Variants in PAGE1 observed in about 807,000 individuals in gnomAD.
PAGE1 encodes P antigen family member 1.
In PAGE1, 6 loss-of-function variants were observed where a neutral mutation model predicts 11.5. That is an observed-to-expected ratio of 0.52 (90% CI 0.29 to 1.03). PAGE1 has a LOEUF of 1.03. PAGE1 is among the 50% of genes least tolerant of loss of function. The pLI is 0.09. For synonymous variants in PAGE1, 42 were observed against 40.2 expected, an observed-to-expected ratio of 1.05 and a Z score of -0.17; for missense variants, 120 against 110.2, an observed-to-expected ratio of 1.09 and a Z score of -0.40.
At chrX:49,695,203 A>G (rs1354099884) in intron 1 of PAGE1, among the ~76,000 whole-genome samples, 1 of 112,283 alleles carries the variant, frequency 8.9e-6, no homozygotes, top group Non-Finnish European at 1.9e-5. Flanking sequence ...TAGTTTCACA[A>G]GCGGACTCCA....
At chrX:49,694,045 C>A (rs1473116779) in intron 3 of PAGE1, 54 bp downstream of exon 3, 17 of 658,790 alleles carry the variant, frequency 2.6e-5, no homozygotes, top group South Asian at 4.9e-5. Flanking sequence ...CACACACACA[C>A]ACACACACAC....
At chrX:49,689,796 G>GTA (rs782621494) in intron 4 of PAGE1, among the ~76,000 whole-genome samples, 1 of 58,148 alleles carries the variant, frequency 1.7e-5, no homozygotes, top group East Asian at 7.1e-4. Context: ...ACATATATAT[G>GTA]TATATATATG....
chrX:49,690,108 T>TAC (rs781934795), intron 4 of PAGE1, among the ~76,000 whole-genome samples: 1 of 69,573 alleles, frequency 1.4e-5, no homozygotes, highest in Non-Finnish European at 2.5e-5. Context: ...TGTGTATATA[T>TAC]ACACATATAT....
chrX:49,689,708 GTATATATGTATATA>G (rs1834263059), intron 4 of PAGE1, among the ~76,000 whole-genome samples, 165 bp from the exon 5 acceptor site: 1 of 41,942 alleles, frequency 2.4e-5, no homozygotes, highest in Non-Finnish European at 4.3e-5. Context: ...ATATATATGT[GTATATATGTATATA>G]TGTATATATA....
rs782127073 is a variant in PAGE1, at chrX:49,689,348, T to A, written c.418+70A>T. The A allele has an allele frequency of 1.1e-4, 102 of 930,470 alleles. 2 individuals carry two copies. In the South Asian group the frequency reaches 2.3e-3, roughly 21 times the overall value. 76.7% of individuals were successfully genotyped at this position (930,470 alleles called of 1,213,427 possible). ...AGAGCGAGACTCTGTCTCAAAAAAA[T>A]AATAATTATTATAATATGATACTGT... On this transcript the variant is annotated intron_variant, in intron 5 of 5. Coordinates refer to ENST00000376150, the MANE Select transcript of PAGE1 (RefSeq NM_003785.4).
At chrX:49,694,377 C>A (rs1483695354) in intron 2 of PAGE1, among the ~76,000 whole-genome samples, 176 bp from the exon 3 acceptor site, 1 of 111,754 alleles carries the variant, frequency 8.9e-6, no homozygotes, top group Non-Finnish European at 1.9e-5. Flanking sequence ...ACTCTACCCA[C>A]AGAAAGGTTA....
chrX:49,694,109 A>T lies in PAGE1; in HGVS notation c.156T>A (p.Ser52=). The T allele has an allele frequency of 8.4e-7, 1 of 1,185,904 alleles. No homozygotes were observed. Among genetic ancestry groups the T allele is most frequent in the Non-Finnish European group, 1.1e-6 (1 of 876,368 alleles). ...PAEEREDEGA[S]AAQGQEPEAD... is the part of the protein sequence containing the mutation. The stretch of plus-strand genomic sequence containing the variant: ...TCCCTTTCCCTTCACCTTGAGCTGC[A>T]GATGCTCCCTCATCCTCTCTCTCTT... The change falls in exon 3 of 6, where the codon TCT becomes TCA. Residue 52 remains serine (S), a synonymous_variant. Coordinates refer to ENST00000376150, the MANE Select transcript of PAGE1 (RefSeq NM_003785.4).
intron 4 of PAGE1, among the ~76,000 whole-genome samples, chrX:49,689,774 GTATA>G (rs1299338318): frequency 3.2e-4 from 19 of 59,834 alleles, no homozygotes; most frequent in Middle Eastern, 0.022. Flanking sequence ...ATATATGTGT[GTATA>G]TATACACACA....
At chrX:49,690,999 A>G (rs1173884458) in intron 4 of PAGE1, among the ~76,000 whole-genome samples, 2 of 111,654 alleles carry the variant, frequency 1.8e-5, no homozygotes, top group Non-Finnish European at 3.8e-5. Flanking sequence ...GCAACATGAC[A>G]AAACCCCGTC....
chrX:49,690,185 G>T (rs1416282943), intron 4 of PAGE1, among the ~76,000 whole-genome samples: 1 of 97,207 alleles, frequency 1.0e-5, no homozygotes, highest in Admixed American at 1.2e-4. Context: ...CATGAAATAT[G>T]AACAAGAAAA....
chrX:49,689,684 G>GTATA (rs1286749859), intron 4 of PAGE1, 141 bp from the exon 5 acceptor site: 2 of 70,505 alleles, frequency 2.8e-5, no homozygotes, highest in African/African-American at 1.4e-4. Context: ...ATATATGTGT[G>GTATA]TATATATATA....
chrX:49,690,092 T>TATATATGTGTATATATACAC (rs1381536085), intron 4 of PAGE1, among the ~76,000 whole-genome samples: 1 of 47,528 alleles, frequency 2.1e-5, no homozygotes, highest in Admixed American at 2.3e-4. Context: ...TATATATGTG[T>TATATATGTGTATATATACAC]ATATATGTGT....
chrX:49,694,282 A>T, intron 2 of PAGE1, 81 bp from the exon 3 acceptor site: 1 of 498,307 alleles, frequency 2.0e-6, no homozygotes, highest in Admixed American at 3.1e-5. Flanking sequence ...ATATACGTAT[A>T]CACACAGAGA....
At chrX:49,691,415 A>G in intron 3 of PAGE1, 41 bp from the exon 4 acceptor site, 1 of 1,083,217 alleles carries the variant, frequency 9.2e-7, no homozygotes, top group Non-Finnish European at 1.3e-6. Flanking sequence ...GCAGCAACAC[A>G]TGAAATATGA....
chrX:49,688,226 TA>T (rs1234560577), intron 5 of PAGE1, among the ~76,000 whole-genome samples: 5 of 112,313 alleles, frequency 4.5e-5, no homozygotes, highest in Non-Finnish European at 5.6e-5. Flanking sequence ...CTCATCTGTA[TA>T]AAAAAAATTT....
chrX:49,691,426 A>G (rs782308516), intron 3 of PAGE1, 52 bp from the exon 4 acceptor site: 2 of 1,008,870 alleles, frequency 2.0e-6, no homozygotes, highest in Admixed American at 5.3e-5. Flanking sequence ...TGAAATATGA[A>G]TAAGAAAATA....
At position 49,695,921 on chromosome X, in the gene PAGE1, G is replaced by C. The variant is rs1569533696; in HGVS notation, c.-61C>G. 1 of 112,348 alleles carries C rather than the reference G, an allele frequency of 8.9e-6. No homozygotes were observed. Among genetic ancestry groups the C allele is most frequent in the Non-Finnish European group, 1.9e-5 (1 of 53,430 alleles). The allele number at this position is 112,348 out of a possible 1,213,427, so 9.3% of individuals were successfully genotyped here. A position where few individuals can be genotyped will look rare whatever the true frequency, so the allele number is the denominator to read the frequency against. ...CGGATCTACCAGATGAGTCTCAGTAGAGGAAAAAAGTGTCCGGACAGCAGG... is the reference window on the plus strand; with the variant it reads ...CGGATCTACCAGATGAGTCTCAGTACAGGAAAAAAGTGTCCGGACAGCAGG... On this transcript the variant is annotated 5_prime_UTR_variant, in exon 1 of 6. Transcript: ENST00000376150.
Position 49,691,238 on chromosome X carries a change from G to A in PAGE1, c.292+11C>T. 8.3e-7 allele frequency: 1 copy of A among 1,206,728 alleles called. No homozygotes were observed. Among genetic ancestry groups the A allele is most frequent in the Non-Finnish European group, 1.1e-6 (1 of 893,052 alleles). ...ACACCCTACAATTTGCATGCTTAAT[G>A]GACTACCTACCTTCTGCGGGCAGTT... is the stretch of plus-strand genomic sequence containing the variant. On this transcript the variant is annotated intron_variant, in intron 4 of 5. Transcript: ENST00000376150.
chrX:49,690,113 A>ATATATATGTG (rs1491090297), intron 4 of PAGE1, among the ~76,000 whole-genome samples: 11 of 71,104 alleles, frequency 1.5e-4, no homozygotes, highest in African/African-American at 4.0e-4. Context: ...ATATATACAC[A>ATATATATGTG]TATATATGTG....
Sources: allele counts gnomAD v4.1 joint callset (sites outside exome capture counted in the v4.1 genomes callset), GRCh38; gene constraint gnomAD v4.1.1; transcripts MANE v1.5; gene names NCBI Gene and HGNC (gene_info 2026-07-23, HGNC 2026-07-21).